The following DENND1A variants were observed in gnomAD, a reference collection of about 807,000 sequenced individuals.
The protein encoded by DENND1A is DENN domain containing 1A.
Under a neutral mutation model 113.7 loss-of-function variants are expected in DENND1A, and 51 were observed. The ratio of observed to expected loss-of-function variants is 0.45; its 90% confidence interval spans 0.36 to 0.57. The LOEUF (loss-of-function observed/expected upper bound fraction) is 0.57, where lower values mean the gene tolerates loss of function less well. DENND1A is among the 20% of genes least tolerant of loss of function. The pLI, the probability that DENND1A is intolerant of heterozygous loss-of-function variation, is 0.00. For synonymous variants in DENND1A, 565 were observed against 570.8 expected, an observed-to-expected ratio of 0.99 and a Z score of 0.14; for missense variants, 1,258 against 1,395.9, an observed-to-expected ratio of 0.90 and a Z score of 1.57.
chr9:123,667,443 C>T (rs1462309082), intron 7 of DENND1A, among the ~76,000 whole-genome samples: 1 of 151,922 alleles, frequency 6.6e-6, no homozygotes, highest in Non-Finnish European at 1.5e-5. Flanking sequence ...GGTGAAACCC[C>T]GTTTATACTG....
chr9:123,465,074 G>A (rs908050626), intron 13 of DENND1A, among the ~76,000 whole-genome samples: 6 of 149,992 alleles, frequency 4.0e-5, no homozygotes, highest in African/African-American at 1.2e-4. Flanking sequence ...CCAGCTACTC[G>A]AGAGGCTGAG....
chr9:123,385,803 T>C (rs2042534341), intron 22 of DENND1A, among the ~76,000 whole-genome samples: 1 of 152,204 alleles, frequency 6.6e-6, no homozygotes, highest in Admixed American at 6.5e-5. Flanking sequence ...AAGCCAAGCT[T>C]GAGAGGCTTC....
chr9:123,754,270 C>A (rs1285092344), intron 5 of DENND1A, among the ~76,000 whole-genome samples: 1 of 152,154 alleles, frequency 6.6e-6, no homozygotes, highest in Non-Finnish European at 1.5e-5. Context: ...CCTCTCCACT[C>A]CCCAGTGGAT....
rs765331388 is a variant in DENND1A at position 123,630,408 on chromosome 9, G to A, written c.687C>T (p.Pro229=). 22 of 1,602,570 alleles carry A rather than the reference G, an allele frequency of 1.4e-5. No individual in the cohort carries two copies. The highest frequency in any genetic ancestry group is 7.8e-5 in the South Asian group (7 of 89,672). ...AGTCCAGCAGATGCGGCGGCAGCACGGGGATGTACACGTGCTGCCAGTACA... is the reference window on the plus strand; with the variant it reads ...AGTCCAGCAGATGCGGCGGCAGCACAGGGATGTACACGTGCTGCCAGTACA... ...YPMYWQHVYI[P]VLPPHLLDYC... The change falls in exon 10 of 24, where the codon CCC becomes CCT. Residue 229 remains proline, a synonymous_variant. Transcript: ENST00000394215.
chr9:123,690,873 C>T (rs527542887), intron 5 of DENND1A, among the ~76,000 whole-genome samples: 6 of 152,272 alleles, frequency 3.9e-5, no homozygotes, highest in East Asian at 1.9e-4. Flanking sequence ...CTGGATGAAG[C>T]GGAAGTTTGT....
chr9:123,581,494 A>G (rs2058892032), intron 12 of DENND1A, among the ~76,000 whole-genome samples: 1 of 152,076 alleles, frequency 6.6e-6, no homozygotes, highest in Non-Finnish European at 1.5e-5. Flanking sequence ...GTGTGGTGGC[A>G]TGTGCCTACG....
At chr9:123,850,929 T>TA (rs896456876) in intron 2 of DENND1A, among the ~76,000 whole-genome samples, 2 of 151,296 alleles carry the variant, frequency 1.3e-5, no homozygotes, top group African/African-American at 4.9e-5. Flanking sequence ...AAGAAAGGAA[T>TA]AAAAAAATGA....
chr9:123,835,111 G>GA (rs35785869), intron 2 of DENND1A, among the ~76,000 whole-genome samples: 7,058 of 112,028 alleles, frequency 0.063, 238 homozygotes, highest in Non-Finnish European at 0.084. Flanking sequence ...CTTTAGAGGG[G>GA]AAAAAAAAAA....
chr9:123,464,994 C>CAAAAAAAAAAAAAAAAAAA (rs10655282), intron 13 of DENND1A, among the ~76,000 whole-genome samples: 1 of 70,572 alleles, frequency 1.4e-5, no homozygotes, highest in Non-Finnish European at 2.5e-5. Context: ...ACTAAAAATA[C>CAAAAAAAAAAAAAAAAAAA]AAAAAAAAAA....
At chr9:123,870,105 CTGAAGTAA>C (rs1846329629) in intron 2 of DENND1A, among the ~76,000 whole-genome samples, 1 of 151,394 alleles carries the variant, frequency 6.6e-6, no homozygotes, top group Non-Finnish European at 1.5e-5. Context: ...TATAGAATAG[CTGAAGTAA>C]TCGTGCTGAC....
chr9:123,484,773 AC>A (rs1431680562), intron 13 of DENND1A, among the ~76,000 whole-genome samples: 2 of 152,070 alleles, frequency 1.3e-5, no homozygotes, highest in Non-Finnish European at 2.9e-5. Context: ...CAGTGACTTC[AC>A]TGTGGCCCTC....
At chr9:123,762,928 A>G (rs1457595060) in intron 4 of DENND1A, among the ~76,000 whole-genome samples, 1 of 152,168 alleles carries the variant, frequency 6.6e-6, no homozygotes, top group Non-Finnish European at 1.5e-5. Flanking sequence ...TGGGGACTGG[A>G]AAGAACTAGT....
intron 3 of DENND1A, among the ~76,000 whole-genome samples, chr9:123,779,093 G>A (rs1040327280): frequency 6.6e-6 from 1 of 152,174 alleles, no homozygotes; most frequent in Non-Finnish European, 1.5e-5. Context: ...AGGTCCATGG[G>A]TTTTCTTGAC....
At chr9:123,657,277 G>A (rs1239538498) in intron 8 of DENND1A, among the ~76,000 whole-genome samples, 1 of 152,150 alleles carries the variant, frequency 6.6e-6, no homozygotes, top group Non-Finnish European at 1.5e-5. Context: ...CCTCCCAGGA[G>A]AAGCCTTATA....
chr9:123,869,185 T>C (rs1189572894), intron 2 of DENND1A, among the ~76,000 whole-genome samples: 1 of 152,256 alleles, frequency 6.6e-6, no homozygotes, highest in African/African-American at 2.4e-5. Flanking sequence ...GTCACTCTGT[T>C]CTTTGGACAA....
intron 19 of DENND1A, among the ~76,000 whole-genome samples, chr9:123,420,379 C>A (rs763744787): frequency 3.9e-5 from 6 of 152,228 alleles, no homozygotes; most frequent in Non-Finnish European, 7.3e-5. Flanking sequence ...AGTGAGGTTT[C>A]TGGGTGCCCC....
In DENND1A at chr9:123,567,152, C is replaced by T. The variant is rs549586881; in HGVS notation, c.868-9457G>A. 7.4e-4 allele frequency among the ~76,000 whole-genome samples: 112 copies of T among 152,304 alleles called. 3 individuals carry two copies. In the South Asian group the frequency reaches 0.022, roughly 30 times the overall value. ...TGTTTTCAAAGAAGGGTTTTCCCCC[C>T]ATACTTCTGGCAGTTCAGGTTTAAA... On this transcript the variant is annotated intron_variant, in intron 12 of 23. Transcript: ENST00000394215.
In DENND1A at chr9:123,382,614, C is replaced by A. The variant is rs1050943508; in HGVS notation, c.2031G>T (p.Leu677=). 2.5e-6 allele frequency: 4 copies of A among 1,613,822 alleles called. No homozygotes were observed. The African/African-American group carries it at 5.3e-5, about 22-fold the overall frequency. Residue 677 remains leucine, a synonymous_variant, in exon 24 of 24, where the codon CTG becomes CTT. Coordinates refer to ENST00000394215, the MANE Select transcript of DENND1A (RefSeq NM_001352964.2). ...PGTFDYQRLD[L]GGSERSRGVT... is the part of the protein sequence containing the mutation. Reference sequence around the variant, plus strand: ...CCCCGCGGCTCCTCTCACTCCCGCCCAGATCCAGCCTCTGTTGGGAGGGAA... The same window carrying A: ...CCCCGCGGCTCCTCTCACTCCCGCCAAGATCCAGCCTCTGTTGGGAGGGAA...
intron 5 of DENND1A, among the ~76,000 whole-genome samples, chr9:123,696,251 T>C (rs73665336): frequency 0.091 from 13,862 of 152,240 alleles, 1,394 homozygotes; most frequent in African/African-American, 0.25. Context: ...TAGAACAGCA[T>C]GCTATGATAC....
Sources: gnomAD v4.1 joint callset for allele counts (sites outside exome capture counted in the v4.1 genomes callset) on GRCh38, gnomAD v4.1.1 for gene constraint, MANE v1.5 for transcripts, NCBI Gene and HGNC (gene_info 2026-07-23, HGNC 2026-07-21) for gene names.